PLEKHM2: variants seen among roughly 807,000 people sequenced by gnomAD.
The protein encoded by PLEKHM2 is pleckstrin homology and RUN domain containing M2.
A neutral mutation model predicts 116.3 loss-of-function variants in PLEKHM2; 77 were observed. The ratio of observed to expected loss-of-function variants is 0.66; its 90% confidence interval spans 0.55 to 0.80. The LOEUF (loss-of-function observed/expected upper bound fraction) is 0.80. PLEKHM2 is among the 30% of genes least tolerant of loss of function. The pLI is 0.00. For missense variants in PLEKHM2, 1,183 were observed against 1,354.9 expected (o/e 0.87, Z 1.99); for synonymous variants, 562 against 571.0 (o/e 0.98, Z 0.22).
Position 15,731,214 on chromosome 1 carries a change from C to G in PLEKHM2, c.2422C>G (p.Pro808Ala). 6.3e-7 allele frequency: 1 copy of G among 1,598,650 alleles called. No individual in the cohort carries two copies. The highest frequency in any genetic ancestry group is 8.5e-7 in the Non-Finnish European group (1 of 1,172,512). Residue 808 changes from proline to alanine, a missense_variant, in exon 16 of 20, where the codon CCG (proline) becomes GCG (alanine). Around this residue, in one of 3 missense-constraint regions of PLEKHM2, gnomAD observed 594 missense variants for 720.1 expected, o/e 0.82. Coordinates refer to ENST00000375799, the MANE Select transcript of PLEKHM2 (RefSeq NM_015164.4). Reference protein sequence around the residue: ...VLSNGILYQYPDRTDVIPLLS... With the variant: ...VLSNGILYQYADRTDVIPLLS... ...CAGCAACGGGATCCTCTACCAGTAC[C>G]CGGACCGCACCGACGTCATCCCTCT...
At chr1:15,718,415 T>C in intron 4 of PLEKHM2, 123 bp from the exon 5 acceptor site, 1 of 668,650 alleles carries the variant, frequency 1.5e-6, no homozygotes, top group Non-Finnish European at 2.7e-6. Flanking sequence ...TATATCAAGC[T>C]GGGTGCCGTC....
At chr1:15,711,598 C>T (rs1190324359) in intron 1 of PLEKHM2, among the ~76,000 whole-genome samples, 1 of 148,416 alleles carries the variant, frequency 6.7e-6, no homozygotes, top group African/African-American at 2.5e-5. Context: ...GCCTGGGCAA[C>T]AGAGCGAGGC....
chr1:15,704,676 C>T (rs1396859279), intron 1 of PLEKHM2, among the ~76,000 whole-genome samples: 3 of 152,190 alleles, frequency 2.0e-5, no homozygotes, highest in East Asian at 3.8e-4. Context: ...TCCTGCCCTC[C>T]GTGATGAGTG....
At chr1:15,685,541 G>GAAAAAAAAAAAAAAAAAAAAAAAA (rs200301672) in intron 1 of PLEKHM2, among the ~76,000 whole-genome samples, 4 of 73,500 alleles carry the variant, frequency 5.4e-5, no homozygotes, top group Non-Finnish European at 5.5e-5. Context: ...CTCAGAAACT[G>GAAAAAAAAAAAAAAAAAAAAAAAA]AAAAAAAAAA....
intron 1 of PLEKHM2, among the ~76,000 whole-genome samples, chr1:15,708,793 T>C (rs1049958103): frequency 2.7e-4 from 41 of 152,276 alleles, no homozygotes; most frequent in Middle Eastern, 6.8e-3. Flanking sequence ...AGACCTGGGT[T>C]TAAAATCTGT....
upstream of PLEKHM2, among the ~76,000 whole-genome samples, chr1:15,684,054 G>C (rs1640703024): frequency 6.6e-6 from 1 of 151,342 alleles, no homozygotes; most frequent in Non-Finnish European, 1.5e-5. Flanking sequence ...GTGGGCTGAG[G>C]AGGGCTTGGG....
In PLEKHM2 at chr1:15,721,089, A is replaced by T. The variant is rs564543548; in HGVS notation, c.653-240A>T. On this transcript the variant is annotated intron_variant, in intron 6 of 19. Coordinates refer to ENST00000375799, the MANE Select transcript of PLEKHM2 (RefSeq NM_015164.4). The surrounding 1 kb of genome is among the most constrained non-coding windows in gnomAD (Gnocchi z 5.1). Reference sequence around the variant, plus strand: ...TGCCAGAACCAGCTTCTGGATGTGGAAAGGGGTCACCCTGACAGGTCTTTC... The same window carrying T: ...TGCCAGAACCAGCTTCTGGATGTGGTAAGGGGTCACCCTGACAGGTCTTTC... 2.1e-6 allele frequency: 1 copy of T among 473,290 alleles called. No homozygotes were observed. The highest frequency in any genetic ancestry group is 3.7e-5 in the South Asian group (1 of 27,268). The allele number at this position is 473,290 out of a possible 1,614,324, so 29.3% of individuals were successfully genotyped here.
In PLEKHM2 at chr1:15,729,359, G is replaced by A. The variant is rs936054315; in HGVS notation, c.2075+169G>A. 7.9e-5 allele frequency among the ~76,000 whole-genome samples: 12 copies of A among 152,060 alleles called. No homozygotes were observed. The highest frequency in any genetic ancestry group is 1.7e-4 in the African/African-American group (7 of 41,404). ...TGCTCAGAGAGGCAGGCAAGTAGAC[G>A]ACAATCATAGGACTCATGTGGTCAG... On this transcript the variant is annotated intron_variant, in intron 13 of 19. Transcript: ENST00000375799. The surrounding 1 kb of genome is among the most constrained non-coding windows in gnomAD (Gnocchi z 4.7).
In PLEKHM2 at chr1:15,684,594, G is replaced by A; in HGVS notation, c.36G>A (p.Glu12=). ...EPGEVKDRIL[E]NISLSVKKLQ... ...GGGAGGTGAAGGACCGGATCCTGGA[G>A]AACATCTCGCTGTCGGTGAAGAAGG... is the stretch of plus-strand genomic sequence containing the variant. Residue 12 remains glutamate (E), a synonymous_variant, in exon 1 of 20, where the codon GAG becomes GAA. Transcript: ENST00000375799. 1 of 1,314,484 alleles carries A rather than the reference G, an allele frequency of 7.6e-7. No homozygotes were observed. The highest frequency in any genetic ancestry group is 9.8e-7 in the Non-Finnish European group (1 of 1,019,282). 81.4% of individuals were successfully genotyped at this position (1,314,484 alleles called of 1,614,324 possible).
Position 15,730,774 on chromosome 1 carries a change from G to C in PLEKHM2, c.2399+52G>C, listed in dbSNP as rs1050336717. On this transcript the variant is annotated intron_variant, in intron 15 of 19. Transcript: ENST00000375799. Reference sequence around the variant, plus strand: ...GGGGCTTGGGCCCTGGGGTGGCTGGGCTGTCAGGTCCCCAGCGGGGATCTC... The same window carrying C: ...GGGGCTTGGGCCCTGGGGTGGCTGGCCTGTCAGGTCCCCAGCGGGGATCTC... 8.2e-6 allele frequency: 12 copies of C among 1,460,028 alleles called. No individual in the cohort carries two copies. In the African/African-American group the frequency reaches 9.8e-5, roughly 12 times the overall value. The allele number at this position is 1,460,028 out of a possible 1,614,324, so 90.4% of individuals were successfully genotyped here.
intron 1 of PLEKHM2, among the ~76,000 whole-genome samples, chr1:15,709,868 C>G (rs558324670): frequency 6.6e-6 from 1 of 152,214 alleles, no homozygotes; most frequent in South Asian, 2.1e-4. Flanking sequence ...CTCCATGTTC[C>G]TGGATAGGAA....
chr1:15,734,021 G>T lies in PLEKHM2; in HGVS notation c.*87G>T. The stretch of plus-strand genomic sequence containing the variant: ...CTGTCACGGCTGTTGTCATGCTGTC[G>T]GGAGCCTACAGTCCACCCCTGCCCT... On this transcript the variant is annotated 3_prime_UTR_variant, in exon 20 of 20. Coordinates refer to ENST00000375799, the MANE Select transcript of PLEKHM2 (RefSeq NM_015164.4). 6.9e-7 allele frequency: 1 copy of T among 1,445,376 alleles called. No homozygotes were observed. Among genetic ancestry groups the T allele is most frequent in the Non-Finnish European group, 9.3e-7 (1 of 1,077,122 alleles). 89.5% of individuals were successfully genotyped at this position (1,445,376 alleles called of 1,614,324 possible).
intron 7 of PLEKHM2, chr1:15,722,789 C>G (rs2068012215): frequency 6.6e-6 from 1 of 152,034 alleles, no homozygotes; most frequent in Non-Finnish European, 1.5e-5. Flanking sequence ...CATCATGTAC[C>G]CTCTTAGCCC....
At chr1:15,698,836 G>A (rs1248919550) in intron 1 of PLEKHM2, among the ~76,000 whole-genome samples, 3 of 151,998 alleles carry the variant, frequency 2.0e-5, no homozygotes, top group East Asian at 1.9e-4. Flanking sequence ...GGTGTGAGCC[G>A]CTGTGCCTGG....
chr1:15,712,776 A>C (rs996518910), intron 1 of PLEKHM2, among the ~76,000 whole-genome samples: 1 of 144,348 alleles, frequency 6.9e-6, no homozygotes, highest in Non-Finnish European at 1.5e-5. Flanking sequence ...TCAGCCTCCC[A>C]AGTAGGTGAG....
rs892357195 is a variant in PLEKHM2 at position 15,692,197 on chromosome 1, A to G, written c.60+7579A>G. Among the ~76,000 whole-genome samples the G allele has an allele frequency of 8.5e-5, 13 of 152,234 alleles. No individual in the cohort carries two copies. In the South Asian group the frequency reaches 2.5e-3, roughly 29 times the overall value. ...GGTAGATGTAAAAATTGTATTGACT[A>G]TTTGGTTTAGATCAATAGTTTTGTT... On this transcript the variant is annotated intron_variant, in intron 1 of 19. Transcript: ENST00000375799.
chr1:15,704,401 C>T (rs563570373), intron 1 of PLEKHM2, among the ~76,000 whole-genome samples: 34 of 151,302 alleles, frequency 2.2e-4, no homozygotes, highest in African/African-American at 8.0e-4. Context: ...AATGGCATAC[C>T]GAAGCCCCAT....
At chr1:15,722,014 A>G (rs114272249) in intron 7 of PLEKHM2, among the ~76,000 whole-genome samples, 1,566 of 152,296 alleles carry the variant, frequency 0.01, 28 homozygotes, top group African/African-American at 0.034. Flanking sequence ...CTGAAATTCC[A>G]CTTCATAAAT....
rs992913106 is a variant in PLEKHM2, at chr1:15,694,468, G to T, written c.60+9850G>T. Among the ~76,000 whole-genome samples the T allele has an allele frequency of 5.3e-5, 8 of 152,256 alleles. No homozygotes were observed. The South Asian group carries it at 1.4e-3, about 28-fold the overall frequency. ...TGGGCCCCGAGCTCTCCTCCTTGAG[G>T]GTCTAAACCAGGCAGCAGGGCCGGT... is the stretch of plus-strand genomic sequence containing the variant. On this transcript the variant is annotated intron_variant, in intron 1 of 19. Coordinates refer to ENST00000375799, the MANE Select transcript of PLEKHM2 (RefSeq NM_015164.4).
Sources: gnomAD v4.1 joint callset for allele counts (sites outside exome capture counted in the v4.1 genomes callset) on GRCh38, gnomAD v4.1.1 for gene constraint, gnomAD v4.1.1 regional missense constraint, Gnocchi (gnomAD v3.1) non-coding constraint, MANE v1.5 for transcripts, NCBI Gene and HGNC (gene_info 2026-07-23, HGNC 2026-07-21) for gene names.